PRKCA: variants seen among roughly 807,000 people sequenced by gnomAD.
PRKCA encodes the protein protein kinase C alpha type.
Under a neutral mutation model 87.0 loss-of-function variants are expected in PRKCA, and 27 were observed. That is an observed-to-expected ratio of 0.31 (90% CI 0.23 to 0.43). PRKCA has a LOEUF of 0.43. Among genes scored for constraint, PRKCA ranks in the 20% least tolerant of loss-of-function variants. The probability of loss-of-function intolerance (pLI) is 1.00; values close to 1 mark genes in which losing one functional copy is unlikely to be tolerated. For synonymous variants in PRKCA, 329 were observed against 311.1 expected (o/e 1.06, Z -0.61); for missense variants, 518 against 852.3 (o/e 0.61, Z 4.88).
intron 3 of PRKCA, among the ~76,000 whole-genome samples, chr17:66,612,954 A>C (rs1038992226): frequency 1.3e-5 from 2 of 152,212 alleles, no homozygotes; most frequent in Non-Finnish European, 2.9e-5. Context: ...TGATATTCTC[A>C]ACATAAGTAT....
At chr17:66,588,635 C>CTTTTTTTTTTTTTTTTTTTTT in intron 3 of PRKCA, among the ~76,000 whole-genome samples, 1 of 39,110 alleles carries the variant, frequency 2.6e-5, no homozygotes, top group Non-Finnish European at 4.5e-5. Flanking sequence ...TTTTGCTTTG[C>CTTTTTTTTTTTTTTTTTTTTT]TTTTTTTTTT....
intron 2 of PRKCA, among the ~76,000 whole-genome samples, chr17:66,494,668 T>C (rs1015769604): frequency 6.6e-5 from 10 of 152,208 alleles, no homozygotes; most frequent in African/African-American, 1.9e-4. Flanking sequence ...CCTGAGGGTA[T>C]ACTGTTTTTT....
chr17:66,732,475 G>A (rs1170299319), intron 8 of PRKCA, among the ~76,000 whole-genome samples: 2 of 152,166 alleles, frequency 1.3e-5, no homozygotes. Flanking sequence ...TCTCTTAATA[G>A]GGAGAGCAGT....
chr17:66,725,091 C>T (rs939979356), intron 8 of PRKCA, among the ~76,000 whole-genome samples: 3 of 152,186 alleles, frequency 2.0e-5, no homozygotes, highest in Non-Finnish European at 2.9e-5. Context: ...TAACTAGTCT[C>T]GTGTGGCCTC....
intron 2 of PRKCA, among the ~76,000 whole-genome samples, chr17:66,345,128 G>A (rs1464678381): frequency 2.6e-5 from 4 of 152,016 alleles, no homozygotes; most frequent in Admixed American, 1.3e-4. Context: ...TCTATTGCTG[G>A]ATTTTCTTAG....
At chr17:66,547,616 A>G (rs543288252) in intron 3 of PRKCA, among the ~76,000 whole-genome samples, 6 of 152,290 alleles carry the variant, frequency 3.9e-5, no homozygotes, top group African/African-American at 1.2e-4. Flanking sequence ...ACCCTGGGTA[A>G]GTTCCTTGAC....
chr17:66,506,364 A>C (rs1269760387), intron 3 of PRKCA, among the ~76,000 whole-genome samples: 1 of 151,714 alleles, frequency 6.6e-6, no homozygotes, highest in Non-Finnish European at 1.5e-5. Flanking sequence ...TCTTAAATTA[A>C]AAAAAAAGGT....
chr17:66,388,861 G>C (rs973154596), intron 2 of PRKCA, among the ~76,000 whole-genome samples: 1 of 152,116 alleles, frequency 6.6e-6, no homozygotes, highest in Non-Finnish European at 1.5e-5. Flanking sequence ...CCGCAGAGCC[G>C]TGTCTTGCAT....
At chr17:66,579,991 G>A (rs1055794670) in intron 3 of PRKCA, among the ~76,000 whole-genome samples, 4 of 152,062 alleles carry the variant, frequency 2.6e-5, no homozygotes, top group African/African-American at 9.7e-5. Flanking sequence ...TCTCTGCGCC[G>A]GAGATCCTCA....
intron 3 of PRKCA, among the ~76,000 whole-genome samples, chr17:66,503,726 T>A (rs1190398056): frequency 6.6e-6 from 1 of 152,118 alleles, no homozygotes; most frequent in Non-Finnish European, 1.5e-5. Context: ...TAGAAACCGA[T>A]CAGATAAAAA....
chr17:66,633,351 A>AT (rs1971072003), intron 3 of PRKCA, among the ~76,000 whole-genome samples: 1 of 152,172 alleles, frequency 6.6e-6, no homozygotes, highest in Non-Finnish European at 1.5e-5. Context: ...TTCTTAAGAA[A>AT]TTTAAGATCG....
At chr17:66,752,769 C>T (rs1483288055) in intron 13 of PRKCA, among the ~76,000 whole-genome samples, 1 of 152,214 alleles carries the variant, frequency 6.6e-6, no homozygotes, top group Non-Finnish European at 1.5e-5. Context: ...CTACCTGGTC[C>T]TTCTTTCCAT....
chr17:66,419,334 T>G (rs1912357469), intron 2 of PRKCA, among the ~76,000 whole-genome samples: 1 of 152,172 alleles, frequency 6.6e-6, no homozygotes, highest in Non-Finnish European at 1.5e-5. Context: ...AAAACCTCAG[T>G]ACCCTTTAAT....
chr17:66,672,424 A>G (rs1023491498), intron 5 of PRKCA, among the ~76,000 whole-genome samples: 1 of 152,218 alleles, frequency 6.6e-6, no homozygotes, highest in African/African-American at 2.4e-5. Flanking sequence ...ACTTCTTGAT[A>G]TGGTTTTGGT....
chr17:66,521,787 T>C (rs1967169627), intron 3 of PRKCA, among the ~76,000 whole-genome samples: 1 of 152,218 alleles, frequency 6.6e-6, no homozygotes, highest in South Asian at 2.1e-4. Context: ...TATGGATTTA[T>C]GCCATATGTG....
intron 2 of PRKCA, among the ~76,000 whole-genome samples, chr17:66,441,837 A>G (rs1218420938): frequency 3.9e-5 from 6 of 152,130 alleles, no homozygotes; most frequent in African/African-American, 1.4e-4. Flanking sequence ...TATTTATACC[A>G]TAATAGATGC....
chr17:66,336,887 C>G (rs141551138), intron 2 of PRKCA, among the ~76,000 whole-genome samples: 1 of 151,680 alleles, frequency 6.6e-6, no homozygotes, highest in Non-Finnish European at 1.5e-5. Context: ...CTCCTGGGCT[C>G]AAGTGATTGT....
At chr17:66,678,786 G>A (rs1314600654) in intron 5 of PRKCA, among the ~76,000 whole-genome samples, 1 of 152,050 alleles carries the variant, frequency 6.6e-6, no homozygotes, top group Non-Finnish European at 1.5e-5. Context: ...ATGCTATTTT[G>A]TGGAGTGTCG....
chr17:66,562,384 T>C (rs919479896), intron 3 of PRKCA, among the ~76,000 whole-genome samples: 2 of 151,834 alleles, frequency 1.3e-5, no homozygotes, highest in Non-Finnish European at 2.9e-5. Flanking sequence ...ACCACTGTGC[T>C]GTCCATTCTT....
Sources: allele counts gnomAD v4.1 joint callset (sites outside exome capture counted in the v4.1 genomes callset), GRCh38; gene constraint gnomAD v4.1.1; transcripts MANE v1.5; gene names NCBI Gene and HGNC (gene_info 2026-07-23, HGNC 2026-07-21).